The following TPD52 variants were observed in gnomAD, a reference collection of about 807,000 sequenced individuals.
TPD52 encodes the protein prostate and colon associated protein.
TPD52 carries 17 observed loss-of-function variants against 31.3 expected under a neutral mutation model. The ratio of observed to expected loss-of-function variants is 0.54; its 90% CI spans 0.37 to 0.82. The LOEUF (loss-of-function observed/expected upper bound fraction) is 0.82. Among genes scored for constraint, TPD52 ranks in the 40% least tolerant of loss-of-function variants. TPD52 has a pLI of 0.00. For synonymous variants in TPD52, 83 were observed against 89.6 expected, an observed-to-expected ratio of 0.93 and a Z score of 0.42; for missense variants, 212 against 240.1, an observed-to-expected ratio of 0.88 and a Z score of 0.77.
intron 1 of TPD52, among the ~76,000 whole-genome samples, chr8:80,131,890 C>T (rs1329958970): frequency 2.0e-5 from 3 of 152,102 alleles, no homozygotes; most frequent in Non-Finnish European, 4.4e-5. Flanking sequence ...GTTAAGAACG[C>T]AGCTGTCAAG....
At chr8:80,101,998 G>A (rs1425369629) in intron 1 of TPD52, among the ~76,000 whole-genome samples, 2 of 152,214 alleles carry the variant, frequency 1.3e-5, no homozygotes, top group Non-Finnish European at 2.9e-5. Context: ...AACTAAGCCT[G>A]TGTGCACACA....
chr8:80,141,519 T>C (rs534024328), intron 1 of TPD52, among the ~76,000 whole-genome samples: 1 of 152,304 alleles, frequency 6.6e-6, no homozygotes, highest in Non-Finnish European at 1.5e-5. Flanking sequence ...CTGAGATGAC[T>C]GATGCCCCAG....
At chr8:80,093,773 C>T (rs1157497629) in intron 1 of TPD52, among the ~76,000 whole-genome samples, 1 of 152,088 alleles carries the variant, frequency 6.6e-6, no homozygotes, top group African/African-American at 2.4e-5. Flanking sequence ...GAGTCCTGTG[C>T]CAAAAGTGAT....
intron 2 of TPD52, among the ~76,000 whole-genome samples, chr8:80,060,274 T>C (rs1442236781): frequency 1.3e-5 from 2 of 148,624 alleles, no homozygotes; most frequent in Admixed American, 6.8e-5. Flanking sequence ...ACATACTAGA[T>C]AGTCTAGAGT....
chr8:80,147,610 A>G (rs1810285031), intron 1 of TPD52, among the ~76,000 whole-genome samples: 1 of 152,204 alleles, frequency 6.6e-6, no homozygotes, highest in African/African-American at 2.4e-5. Flanking sequence ...CTTTAGCACT[A>G]CATGTGGCAG....
At position 80,102,881 on chromosome 8, in the gene TPD52, T is replaced by G. The variant is rs550815947; in HGVS notation, c.20-38288A>C. Among the ~76,000 whole-genome samples the G allele has an allele frequency of 3.1e-4, 47 of 152,208 alleles. No individual in the cohort carries two copies. In the South Asian group the frequency reaches 9.7e-3, roughly 32 times the overall value. ...CAACAGCCAATGATTTAATCAACCA[T>G]GCCTATGTAATAAAGTTTCCACAAA... On this transcript the variant is annotated intron_variant, in intron 1 of 7. Coordinates refer to ENST00000518937, the MANE Select transcript of TPD52 (RefSeq NM_001025253.3).
chr8:80,119,791 A>G, intron 1 of TPD52: 1 of 374,592 alleles, frequency 2.7e-6, no homozygotes. Context: ...AATATAAAGG[A>G]ATTTAATGTA....
intron 1 of TPD52, among the ~76,000 whole-genome samples, chr8:80,077,647 T>A (rs1814743336): frequency 6.6e-6 from 1 of 152,226 alleles, no homozygotes. Context: ...TTAGCCTAAC[T>A]AAACTTTGTG....
Position 80,036,331 on chromosome 8 carries a change from G to GA in TPD52, c.*1784dup, listed in dbSNP as rs564143394. ...ATTTTAAGAAGTAGACTAGTTCATAGAAAAAATAATTTAACACTTGAGTAA... is the reference window on the plus strand; with the variant it reads ...ATTTTAAGAAGTAGACTAGTTCATAGAAAAAAATAATTTAACACTTGAGTAA... On this transcript the variant is annotated 3_prime_UTR_variant, in exon 8 of 8. Coordinates refer to ENST00000518937, the MANE Select transcript of TPD52 (RefSeq NM_001025253.3). 3.9e-5 allele frequency: 6 copies of GA among 152,604 alleles called. No homozygotes were observed. In the East Asian group the frequency reaches 1.2e-3, roughly 29 times the overall value. The allele number at this position is 152,604 out of a possible 1,614,324, so 9.5% of individuals were successfully genotyped here.
In TPD52 at chr8:80,129,416, T is replaced by C. The variant is rs77331552; in HGVS notation, c.19+42009A>G. On this transcript the variant is annotated intron_variant, in intron 1 of 7. Transcript: ENST00000518937. Reference sequence around the variant, plus strand: ...TACATTTAAAATTCCCATACAAGCATTACAAATCTGCTAAGACATTGACAC... The same window carrying C: ...TACATTTAAAATTCCCATACAAGCACTACAAATCTGCTAAGACATTGACAC... Among the ~76,000 whole-genome samples, 396 of 152,288 alleles carry C rather than the reference T, an allele frequency of 2.6e-3. 2 individuals carry two copies. Among genetic ancestry groups the C allele is most frequent in the African/African-American group, 9.0e-3 (374 of 41,560 alleles).
intron 1 of TPD52, among the ~76,000 whole-genome samples, chr8:80,086,958 GGCAATGGCAAT>G (rs1006352238): frequency 6.7e-6 from 1 of 149,866 alleles, no homozygotes; most frequent in Admixed American, 6.6e-5. Flanking sequence ...GCCTTTCTTA[GGCAATGGCAAT>G]ATATACTGAA....
chr8:80,161,889 C>T (rs1020891823), intron 1 of TPD52, among the ~76,000 whole-genome samples: 25 of 151,776 alleles, frequency 1.6e-4, no homozygotes, highest in South Asian at 1.5e-3. Flanking sequence ...ACCACCACGC[C>T]GGGCTAATTT....
chr8:80,048,469 A>G (rs1811080866), intron 5 of TPD52, among the ~76,000 whole-genome samples: 1 of 152,152 alleles, frequency 6.6e-6, no homozygotes, highest in Admixed American at 6.5e-5. Flanking sequence ...AGGACTAACC[A>G]CCTACTTCAT....
At chr8:80,159,913 C>G (rs1252687794) in intron 1 of TPD52, among the ~76,000 whole-genome samples, 3 of 152,180 alleles carry the variant, frequency 2.0e-5, no homozygotes, top group African/African-American at 4.8e-5. Flanking sequence ...GTAGTTTAGG[C>G]CAGGCAGTGG....
chr8:80,142,809 A>G (rs1809927689), intron 1 of TPD52, among the ~76,000 whole-genome samples: 1 of 152,202 alleles, frequency 6.6e-6, no homozygotes, highest in Admixed American at 6.5e-5. Flanking sequence ...AAGGAGGAAT[A>G]ATCTATAGAA....
chr8:80,107,076 C>G lies in TPD52; in HGVS notation c.20-42483G>C, dbSNP rs531055290. Among the ~76,000 whole-genome samples the G allele has an allele frequency of 1.8e-3, 273 of 152,166 alleles. 1 individual carries two copies. The highest frequency in any genetic ancestry group is 3.4e-3 in the Middle Eastern group (1 of 294). On this transcript the variant is annotated intron_variant, in intron 1 of 7. Transcript: ENST00000518937. ...CCATGTTACCTAGAATTGTCTAGAT[C>G]TCCTGACCTCGTGATCCGCCCACCT... is the stretch of plus-strand genomic sequence containing the variant.
chr8:80,105,219 G>A (rs1055056601), intron 1 of TPD52, among the ~76,000 whole-genome samples: 7 of 151,998 alleles, frequency 4.6e-5, no homozygotes, highest in Non-Finnish European at 8.8e-5. Context: ...CCCTCATATT[G>A]TCTTATGCCC....
At chr8:80,095,081 A>G (rs540666078) in intron 1 of TPD52, among the ~76,000 whole-genome samples, 1 of 152,340 alleles carries the variant, frequency 6.6e-6, no homozygotes, top group African/African-American at 2.4e-5. Flanking sequence ...GAATGGTCAT[A>G]GTGGCTTTAT....
intron 1 of TPD52, among the ~76,000 whole-genome samples, chr8:80,157,416 A>C (rs1277975232): frequency 6.6e-6 from 1 of 152,192 alleles, no homozygotes; most frequent in East Asian, 1.9e-4. Flanking sequence ...GTGTAAAGTC[A>C]CTATAAAGTC....
Sources: allele counts gnomAD v4.1 joint callset (sites outside exome capture counted in the v4.1 genomes callset), GRCh38; gene constraint gnomAD v4.1.1; transcripts MANE v1.5; gene names NCBI Gene and HGNC (gene_info 2026-07-23, HGNC 2026-07-21).